Variants in DOK6 observed in about 807,000 individuals in gnomAD.
DOK6 encodes the protein downstream of tyrosine kinase 6.
Under a neutral mutation model 44.0 loss-of-function variants are expected in DOK6, and 22 were observed. The observed-to-expected ratio is 0.50, with a 90% CI of 0.36 to 0.71. The LOEUF is 0.71. Ranked by LOEUF, DOK6 falls within the 30% of genes least tolerant of loss-of-function variation. The pLI is 0.00. For synonymous variants in DOK6, 166 were observed against 145.5 expected (o/e 1.14, Z -1.01); for missense variants, 340 against 416.4 (o/e 0.82, Z 1.60).
chr18:69,674,032 C>T (rs1393529861), intron 3 of DOK6, among the ~76,000 whole-genome samples: 1 of 151,936 alleles, frequency 6.6e-6, no homozygotes, highest in African/African-American at 2.4e-5. Flanking sequence ...TGTATTGAAT[C>T]TCTGTTCTGT....
chr18:69,407,132 T>G (rs1916220860), intron 1 of DOK6, among the ~76,000 whole-genome samples: 1 of 152,260 alleles, frequency 6.6e-6, no homozygotes, highest in South Asian at 2.1e-4. Context: ...AATGTCATCT[T>G]TTCAAAGTAT....
intron 3 of DOK6, among the ~76,000 whole-genome samples, chr18:69,609,647 A>G (rs1304599329): frequency 2.0e-5 from 3 of 149,396 alleles, no homozygotes; most frequent in African/African-American, 4.9e-5. Context: ...GAGAATTACC[A>G]TATGATCTGG....
chr18:69,835,413 C>G lies in DOK6; in HGVS notation c.857-5831C>G, dbSNP rs899729133. On this transcript the variant is annotated intron_variant, in intron 7 of 7. Coordinates refer to ENST00000382713, the MANE Select transcript of DOK6 (RefSeq NM_152721.6). ...CCGGGAGGTGGAGCTTGCAGTGAGC[C>G]AAAATCGCACCACTGCACTCCAGCC... Among the ~76,000 whole-genome samples, 6 of 151,108 alleles carry G rather than the reference C, an allele frequency of 4.0e-5. No homozygotes were observed. In the South Asian group the frequency reaches 1.1e-3, roughly 27 times the overall value.
chr18:69,464,780 A>G (rs1979880627), intron 1 of DOK6, among the ~76,000 whole-genome samples: 1 of 152,226 alleles, frequency 6.6e-6, no homozygotes, highest in Non-Finnish European at 1.5e-5. Flanking sequence ...ACATTATTAC[A>G]TAAAATTAAT....
intron 7 of DOK6, among the ~76,000 whole-genome samples, chr18:69,770,087 G>C (rs543498187): frequency 1.3e-5 from 2 of 152,182 alleles, no homozygotes; most frequent in African/African-American, 4.8e-5. Flanking sequence ...TGAAAGGGTA[G>C]ATCGTTAGGA....
intron 3 of DOK6, chr18:69,660,191 A>G (rs35564841): frequency 0.35 from 53,393 of 151,862 alleles, 10,901 homozygotes; most frequent in Non-Finnish European, 0.45. Context: ...TTTTCAAACT[A>G]GTTTCTGTAC....
chr18:69,752,611 A>G (rs1979220073), intron 6 of DOK6, among the ~76,000 whole-genome samples: 1 of 152,172 alleles, frequency 6.6e-6, no homozygotes, highest in Non-Finnish European at 1.5e-5. Context: ...TTAATACAGT[A>G]ATTTAGATTC....
At chr18:69,772,919 G>T in intron 7 of DOK6, among the ~76,000 whole-genome samples, 1 of 152,094 alleles carries the variant, frequency 6.6e-6, no homozygotes, top group South Asian at 2.1e-4. Flanking sequence ...TGGAATGGAA[G>T]AAAATATTTG....
chr18:69,469,790 G>A, intron 1 of DOK6: 1 of 235,344 alleles, frequency 4.2e-6, no homozygotes, highest in Non-Finnish European at 8.9e-6. Context: ...AGAGGCGGAT[G>A]GAGCGCGGCA....
chr18:69,720,162 C>G (rs529635867), intron 5 of DOK6, among the ~76,000 whole-genome samples: 1 of 152,184 alleles, frequency 6.6e-6, no homozygotes, highest in African/African-American at 2.4e-5. Context: ...GCACTCCAGC[C>G]TGGGCAACAG....
At chr18:69,476,459 G>A (rs906119442) in intron 1 of DOK6, among the ~76,000 whole-genome samples, 8 of 151,694 alleles carry the variant, frequency 5.3e-5, no homozygotes, top group African/African-American at 1.7e-4. Flanking sequence ...GAAGGCACGG[G>A]TAATCGTCAC....
intron 1 of DOK6, among the ~76,000 whole-genome samples, chr18:69,508,565 A>G (rs192794056): frequency 3.1e-4 from 47 of 152,318 alleles, no homozygotes; most frequent in African/African-American, 9.9e-4. Context: ...GTCACATTAC[A>G]GAAACAATTA....
intron 1 of DOK6, among the ~76,000 whole-genome samples, chr18:69,562,986 C>T (rs575669149): frequency 6.3e-4 from 96 of 152,216 alleles, no homozygotes; most frequent in African/African-American, 1.5e-3. Context: ...AAAAAGTGGG[C>T]GAAGGATATG....
chr18:69,419,812 T>C lies in DOK6; in HGVS notation c.66+18502T>C, dbSNP rs189775626. The stretch of plus-strand genomic sequence containing the variant: ...AAAGAGGGCAGTCAATAAACATTTG[T>C]TAAATTGTTAAATAAGTTTACATTC... On this transcript the variant is annotated intron_variant, in intron 1 of 7. Transcript: ENST00000382713. Among the ~76,000 whole-genome samples, 14 of 152,304 alleles carry C rather than the reference T, an allele frequency of 9.2e-5. No homozygotes were observed. In the East Asian group the frequency reaches 2.5e-3, roughly 27 times the overall value.
At chr18:69,644,062 G>A in intron 3 of DOK6, among the ~76,000 whole-genome samples, 1 of 151,978 alleles carries the variant, frequency 6.6e-6, no homozygotes, top group East Asian at 1.9e-4. Context: ...TCATTCAAAT[G>A]TCTGTTCACG....
intron 1 of DOK6, among the ~76,000 whole-genome samples, chr18:69,402,501 T>C (rs1916122510): frequency 6.6e-6 from 1 of 152,172 alleles, no homozygotes; most frequent in South Asian, 2.1e-4. Context: ...AGAGGGCAGA[T>C]CACCAAGCAC....
chr18:69,664,878 C>G (rs893942966), intron 3 of DOK6, among the ~76,000 whole-genome samples: 3 of 152,136 alleles, frequency 2.0e-5, no homozygotes, highest in Non-Finnish European at 4.4e-5. Context: ...ACATCATTTT[C>G]TTCCTAAAAG....
At chr18:69,458,020 G>C (rs1022874594) in intron 1 of DOK6, among the ~76,000 whole-genome samples, 10 of 152,184 alleles carry the variant, frequency 6.6e-5, no homozygotes, top group African/African-American at 2.4e-4. Flanking sequence ...GCGCATGCCT[G>C]TAATCCCAGC....
chr18:69,439,229 CAG>C lies in DOK6; in HGVS notation c.66+37921_66+37922del, dbSNP rs1979070478. Among the ~76,000 whole-genome samples the C allele has an allele frequency of 2.0e-5, 3 of 152,160 alleles. No homozygotes were observed. In the South Asian group the frequency reaches 6.2e-4, roughly 31 times the overall value. On this transcript the variant is annotated intron_variant, in intron 1 of 7. Transcript: ENST00000382713. ...AATATTCAGTAAACCATGCTGTAAA[CAG>C]ATATGCTGTCATCCAGGCTTTGTTG... is the stretch of plus-strand genomic sequence containing the variant.
Sources: gnomAD v4.1 joint callset for allele counts (sites outside exome capture counted in the v4.1 genomes callset) on GRCh38, gnomAD v4.1.1 for gene constraint, MANE v1.5 for transcripts, NCBI Gene and HGNC (gene_info 2026-07-23, HGNC 2026-07-21) for gene names.